Variants in RGS7 observed in about 807,000 individuals in gnomAD.
RGS7 encodes regulator of G protein signaling 7, also known as regulator of G-protein signaling 7.
RGS7 carries 27 observed loss-of-function variants against 81.1 expected under a neutral mutation model. That is an observed-to-expected ratio of 0.33 (90% CI 0.25 to 0.46). The LOEUF is 0.46. RGS7 is among the 20% of genes least tolerant of loss of function. The pLI is 1.00. For missense variants in RGS7, 396 were observed against 607.4 expected, an observed-to-expected ratio of 0.65 and a Z score of 3.66; for synonymous variants, 208 against 207.7, an observed-to-expected ratio of 1.00 and a Z score of -0.01.
chr1:240,942,839 T>A (rs1345968530), intron 4 of RGS7, among the ~76,000 whole-genome samples: 2 of 152,230 alleles, frequency 1.3e-5, no homozygotes, highest in Non-Finnish European at 2.9e-5. Context: ...AACTGGCATT[T>A]GGAAAGGTAA....
At chr1:241,326,917 G>T (rs1257863667) in intron 2 of RGS7, among the ~76,000 whole-genome samples, 1 of 139,536 alleles carries the variant, frequency 7.2e-6, no homozygotes, top group Non-Finnish European at 1.6e-5. Flanking sequence ...CAAAAAAAGA[G>T]AAAAAAAATT....
intron 3 of RGS7, among the ~76,000 whole-genome samples, chr1:241,024,730 T>C (rs1263744426): frequency 6.6e-6 from 1 of 152,158 alleles, no homozygotes; most frequent in Non-Finnish European, 1.5e-5. Flanking sequence ...GAGAGATGTA[T>C]ATTGATGCTC....
At chr1:241,265,557 G>C (rs552012702) in intron 2 of RGS7, among the ~76,000 whole-genome samples, 6 of 152,256 alleles carry the variant, frequency 3.9e-5, no homozygotes, top group African/African-American at 1.2e-4. Flanking sequence ...AAGACGGCTG[G>C]GGCTGGGGAC....
At chr1:240,903,943 T>C (rs1049148477) in intron 6 of RGS7, among the ~76,000 whole-genome samples, 3 of 152,198 alleles carry the variant, frequency 2.0e-5, no homozygotes, top group Non-Finnish European at 1.5e-5. Context: ...GCTGGTGCCA[T>C]GCTTCTTGTA....
chr1:240,961,537 A>T (rs984034217), intron 4 of RGS7, among the ~76,000 whole-genome samples: 17 of 152,222 alleles, frequency 1.1e-4, no homozygotes, highest in Non-Finnish European at 4.4e-5. Context: ...AACTATTGAG[A>T]TGCCAAAATA....
intron 2 of RGS7, among the ~76,000 whole-genome samples, chr1:241,294,205 C>T (rs888806345): frequency 1.3e-4 from 20 of 152,032 alleles, no homozygotes; most frequent in African/African-American, 4.8e-4. Context: ...AAACCAAACA[C>T]CACATGTTCT....
chr1:241,048,527 T>C (rs2061071645), intron 3 of RGS7, among the ~76,000 whole-genome samples: 1 of 152,158 alleles, frequency 6.6e-6, no homozygotes, highest in African/African-American at 2.4e-5. Context: ...GTTTTACTAA[T>C]AATACTATAT....
chr1:241,041,486 T>A (rs2148768850), intron 3 of RGS7, among the ~76,000 whole-genome samples: 1 of 152,184 alleles, frequency 6.6e-6, no homozygotes, highest in East Asian at 1.9e-4. Context: ...ATAGGAATGA[T>A]CCAGAGAAGA....
chr1:240,930,969 T>C (rs1675344406), intron 5 of RGS7, among the ~76,000 whole-genome samples: 1 of 152,208 alleles, frequency 6.6e-6, no homozygotes, highest in Non-Finnish European at 1.5e-5. Flanking sequence ...CTTCTAAACA[T>C]GTGTAGTACC....
intron 3 of RGS7, among the ~76,000 whole-genome samples, chr1:241,068,824 C>T (rs778949944): frequency 7.2e-5 from 11 of 152,084 alleles, no homozygotes; most frequent in Non-Finnish European, 1.0e-4. Flanking sequence ...GTGTTGGAGG[C>T]GGGGCCTGTT....
At chr1:240,922,587 A>C (rs994222162) in intron 6 of RGS7, among the ~76,000 whole-genome samples, 16 of 152,166 alleles carry the variant, frequency 1.1e-4, no homozygotes, top group African/African-American at 3.6e-4. Flanking sequence ...TCAACAAAGA[A>C]GACGAACACT....
intron 3 of RGS7, among the ~76,000 whole-genome samples, chr1:241,086,481 G>A (rs2493000): frequency 0.25 from 37,408 of 151,186 alleles, 6,311 homozygotes; most frequent in African/African-American, 0.48. Flanking sequence ...AAAGTCTCCC[G>A]TGCATCCTAT....
chr1:241,184,743 GT>G (rs2071943324), intron 2 of RGS7, among the ~76,000 whole-genome samples: 1 of 151,838 alleles, frequency 6.6e-6, no homozygotes, highest in Admixed American at 6.6e-5. Flanking sequence ...CATTATGAAC[GT>G]GCAAACATTC....
At chr1:241,030,222 T>C (rs985055947) in intron 3 of RGS7, among the ~76,000 whole-genome samples, 1 of 151,922 alleles carries the variant, frequency 6.6e-6, no homozygotes, top group African/African-American at 2.4e-5. Context: ...TAGACGTGGT[T>C]TCCTTTTTCT....
At chr1:240,952,710 A>C (rs953049476) in intron 4 of RGS7, among the ~76,000 whole-genome samples, 3 of 152,018 alleles carry the variant, frequency 2.0e-5, no homozygotes, top group Non-Finnish European at 4.4e-5. Flanking sequence ...ATCACCTTAA[A>C]TATAATGGTC....
At position 241,167,902 on chromosome 1, in the gene RGS7, C is replaced by T. The variant is rs143201388; in HGVS notation, c.79-69140G>A. Among the ~76,000 whole-genome samples, 1,084 of 152,180 alleles carry T rather than the reference C, an allele frequency of 7.1e-3. 17 individuals are homozygous for T. Among genetic ancestry groups the T allele is most frequent in the African/African-American group, 0.025 (1,050 of 41,518 alleles). On this transcript the variant is annotated intron_variant, in intron 2 of 18. Transcript: ENST00000440928. The stretch of plus-strand genomic sequence containing the variant: ...TCGGACAAAGAGCCAGGTCTGTACT[C>T]CTGGGGTGGTGTGGTCATGGAAGCT...
chr1:240,774,827 C>G (rs1166685933), downstream of RGS7, among the ~76,000 whole-genome samples: 2 of 152,052 alleles, frequency 1.3e-5, no homozygotes, highest in Non-Finnish European at 2.9e-5. Context: ...ATTCAAGCAA[C>G]CTTCCAACAA....
intron 2 of RGS7, among the ~76,000 whole-genome samples, chr1:241,331,386 T>G (rs866656852): frequency 1.3e-4 from 20 of 152,226 alleles, no homozygotes; most frequent in Non-Finnish European, 2.8e-4. Flanking sequence ...TACATGCAAC[T>G]TAGCTTTGGC....
chr1:241,341,108 T>C (rs1461755362), intron 2 of RGS7, among the ~76,000 whole-genome samples: 1 of 152,220 alleles, frequency 6.6e-6, no homozygotes, highest in East Asian at 1.9e-4. Flanking sequence ...CTCATGGAGA[T>C]ATTCCACCCC....
Sources: gnomAD v4.1 joint callset for allele counts (sites outside exome capture counted in the v4.1 genomes callset) on GRCh38, gnomAD v4.1.1 for gene constraint, MANE v1.5 for transcripts, NCBI Gene and HGNC (gene_info 2026-07-23, HGNC 2026-07-21) for gene names.